TCFL5: variants seen among roughly 807,000 people sequenced by gnomAD.
TCFL5 encodes the protein transcription factor-like 5 protein.
In TCFL5, 9 loss-of-function variants were observed where a neutral mutation model predicts 44.3. The ratio of observed to expected loss-of-function variants is 0.20; its 90% CI spans 0.12 to 0.35. TCFL5 has a LOEUF of 0.35. Among genes scored for constraint, TCFL5 ranks in the 10% least tolerant of loss-of-function variants. The probability of loss-of-function intolerance (pLI) is 1.00; values close to 1 mark genes in which losing one functional copy is unlikely to be tolerated. For missense variants in TCFL5, 603 were observed against 613.4 expected, an observed-to-expected ratio of 0.98 and a Z score of 0.18; for synonymous variants, 319 against 271.6, an observed-to-expected ratio of 1.17 and a Z score of -1.72.
At chr20:62,852,117 T>C (rs2063817913) in intron 5 of TCFL5, 1 of 985,356 alleles carries the variant, frequency 1.0e-6, no homozygotes, top group Non-Finnish European at 1.2e-6. Context: ...GGAGCCCTTC[T>C]TGGAAGAGGT....
intron 4 of TCFL5, among the ~76,000 whole-genome samples, chr20:62,855,005 CGTACGGT>C (rs1180087966): frequency 6.6e-6 from 1 of 152,188 alleles, no homozygotes; most frequent in Non-Finnish European, 1.5e-5. Context: ...AAACTGTCAA[CGTACGGT>C]GTAAGGCTTT....
chr20:62,860,078 A>G (rs375845844), intron 2 of TCFL5, 47 bp downstream of exon 2: 1 of 1,541,442 alleles, frequency 6.5e-7, no homozygotes, highest in Non-Finnish European at 8.8e-7. Context: ...GTTAAAATTT[A>G]CCCATTTAAT....
rs929509692 is a variant in TCFL5 at position 62,841,229 on chromosome 20, T to C, written c.*746A>G. On this transcript the variant is annotated 3_prime_UTR_variant, in exon 6 of 6. Transcript: ENST00000335351. ...TTAACAGTATTTATTGAGGGTGACT[T>C]TGTATTGCACTAACGTCTATTGCTA... The C allele has an allele frequency of 6.1e-6, 1 of 165,152 alleles. No individual in the cohort carries two copies. Among genetic ancestry groups the C allele is most frequent in the Non-Finnish European group, 1.3e-5 (1 of 75,406 alleles). 10.2% of individuals were successfully genotyped at this position (165,152 alleles called of 1,614,324 possible). A position where few individuals can be genotyped will look rare whatever the true frequency, so the allele number is the denominator to read the frequency against.
chr20:62,846,001 C>A (rs778510446), intron 5 of TCFL5: 4 of 1,396,604 alleles, frequency 2.9e-6, no homozygotes, highest in Non-Finnish European at 3.8e-6. Context: ...CGTGGAGACA[C>A]AGCCATTTGT....
intron 4 of TCFL5, among the ~76,000 whole-genome samples, chr20:62,854,954 TAACCACA>T (rs2063865158): frequency 6.6e-6 from 1 of 152,218 alleles, no homozygotes; most frequent in Non-Finnish European, 1.5e-5. Flanking sequence ...CACTGAACTC[TAACCACA>T]AGTCTACGCA....
Position 62,859,612 on chromosome 20 carries a change from A to G in TCFL5, c.832-86T>C, listed in dbSNP as rs535825226. 7.0e-5 allele frequency: 88 copies of G among 1,262,138 alleles called. No individual in the cohort carries two copies. The South Asian group carries it at 1.2e-3, about 17-fold the overall frequency. 78.2% of individuals were successfully genotyped at this position (1,262,138 alleles called of 1,614,324 possible). A position where few individuals can be genotyped will look rare whatever the true frequency, so the allele number is the denominator to read the frequency against. On this transcript the variant is annotated intron_variant, in intron 2 of 5. Transcript: ENST00000335351. ...CACAAATGAAATGCACTTAACAAAC[A>G]TCAAAACTACTAACACGTAATTTGA... is the stretch of plus-strand genomic sequence containing the variant.
In TCFL5 at chr20:62,843,751, C is replaced by T. The variant is rs566739199; in HGVS notation, c.1381-1654G>A. On this transcript the variant is annotated intron_variant, in intron 5 of 5. Transcript: ENST00000335351. ...TACCCATTAAACACTAACTCCACAC[C>T]GCTCCGGCCCCCAGCCCCTGGCACG... is the stretch of plus-strand genomic sequence containing the variant. Among the ~76,000 whole-genome samples, 32 of 152,336 alleles carry T rather than the reference C, an allele frequency of 2.1e-4. No homozygotes were observed. In the South Asian group the frequency reaches 4.6e-3, roughly 22 times the overall value.
intron 5 of TCFL5, chr20:62,852,738 A>AT (rs1568784469): frequency 3.9e-6 from 5 of 1,279,676 alleles, no homozygotes; most frequent in African/African-American, 3.0e-5. Context: ...TGACAGAAGC[A>AT]TAGTCACCTG....
intron 5 of TCFL5, among the ~76,000 whole-genome samples, chr20:62,850,337 TTATC>T (rs1489423086): frequency 1.3e-5 from 2 of 151,768 alleles, no homozygotes; most frequent in African/African-American, 2.4e-5. Flanking sequence ...CACCCCATAC[TTATC>T]TATCCCCTGC....
Position 62,854,024 on chromosome 20 carries a change from G to A in TCFL5, c.1372C>T (p.Leu458Phe). 1 of 1,613,906 alleles carries A rather than the reference G, an allele frequency of 6.2e-7. No individual in the cohort carries two copies. The highest frequency in any genetic ancestry group is 8.5e-7 in the Non-Finnish European group (1 of 1,179,990). The change falls in exon 5 of 6, where the codon CTT becomes TTT. Residue 458 changes from leucine to phenylalanine, a missense_variant. Physicochemically the swap from Leu to Phe is conservative, Grantham distance 22 (BLOSUM62 0). Coordinates refer to ENST00000335351, the MANE Select transcript of TCFL5 (RefSeq NM_006602.4). ...CCTGGCCTACCACTAACCTTTTTAA[G>A]AGAATCTCCATGTCTTTCCTGGATG... is the stretch of plus-strand genomic sequence containing the variant. Reference protein sequence around the residue: ...KYIQERHGDSLKKEFESVFCG... With the variant: ...KYIQERHGDSFKKEFESVFCG...
chr20:62,856,585 AG>A (rs1400942203), intron 4 of TCFL5, among the ~76,000 whole-genome samples: 2 of 151,796 alleles, frequency 1.3e-5, no homozygotes, highest in Non-Finnish European at 2.9e-5. Context: ...AGGCGCCTGT[AG>A]TCCCAGCTAC....
chr20:62,858,205 C>G (rs963888774), intron 3 of TCFL5, among the ~76,000 whole-genome samples: 1 of 152,234 alleles, frequency 6.6e-6, no homozygotes, highest in Non-Finnish European at 1.5e-5. Context: ...AAGTAGCGTC[C>G]GAGCTTTTCT....
chr20:62,860,678 G>A (rs1209343626), intron 1 of TCFL5, among the ~76,000 whole-genome samples: 2 of 152,212 alleles, frequency 1.3e-5, no homozygotes, highest in Admixed American at 6.5e-5. Flanking sequence ...TCATTTTAGA[G>A]CTCAAAGCCT....
chr20:62,845,391 G>A, intron 5 of TCFL5: 1 of 1,190,694 alleles, frequency 8.4e-7, no homozygotes, highest in Middle Eastern at 3.7e-4. Flanking sequence ...CCAAAGTGCT[G>A]GGATTACAGG....
At chr20:62,846,918 C>T (rs1323600804) in intron 5 of TCFL5, among the ~76,000 whole-genome samples, 5 of 152,144 alleles carry the variant, frequency 3.3e-5, no homozygotes, top group South Asian at 4.1e-4. Flanking sequence ...GGTGCAGTGG[C>T]TCACACCTGT....
At chr20:62,853,124 A>C (rs968265133) in intron 5 of TCFL5, among the ~76,000 whole-genome samples, 1 of 142,154 alleles carries the variant, frequency 7.0e-6, no homozygotes, top group Non-Finnish European at 1.5e-5. Flanking sequence ...CGGTCCACAG[A>C]AGTACAGTCA....
chr20:62,845,778 C>T (rs770234749), intron 5 of TCFL5: 1 of 1,605,500 alleles, frequency 6.2e-7, no homozygotes, highest in African/African-American at 1.3e-5. Flanking sequence ...CAAGGAAGAG[C>T]TGGAGAATGG....
intron 4 of TCFL5, 40 bp downstream of exon 4, chr20:62,857,355 T>C (rs765496274): frequency 1.2e-6 from 2 of 1,607,962 alleles, no homozygotes; most frequent in Admixed American, 3.3e-5. Flanking sequence ...ACTAAGGTAA[T>C]CATATATGAG....
chr20:62,861,357 A>T lies in TCFL5; in HGVS notation c.314T>A (p.Val105Glu). The T allele has an allele frequency of 9.4e-7, 1 of 1,067,586 alleles. No homozygotes were observed. Among genetic ancestry groups the T allele is most frequent in the Non-Finnish European group, 1.1e-6 (1 of 886,056 alleles). 66.1% of individuals were successfully genotyped at this position (1,067,586 alleles called of 1,614,324 possible). ...AAGGQGGAAPVYPVLCPSALA... is the reference protein window; with the variant it reads ...AAGGQGGAAPEYPVLCPSALA... The stretch of plus-strand genomic sequence containing the variant: ...CGCGGACGGGCACAGCACGGGGTAC[A>T]CGGGCGCCGCGCCCCCCTGACCGCC... Residue 105 changes from valine to glutamate, a missense_variant, in exon 1 of 6, where the codon GTG becomes GAG. Coordinates refer to ENST00000335351, the MANE Select transcript of TCFL5 (RefSeq NM_006602.4). The surrounding 1 kb of genome is among the most constrained non-coding windows in gnomAD (Gnocchi z 4.0).
Sources: allele counts gnomAD v4.1 joint callset (sites outside exome capture counted in the v4.1 genomes callset), GRCh38; gene constraint gnomAD v4.1.1; non-coding constraint Gnocchi (gnomAD v3.1); transcripts MANE v1.5; gene names NCBI Gene and HGNC (gene_info 2026-07-23, HGNC 2026-07-21).